Variants in CRTAM observed in about 807,000 individuals in gnomAD.
The protein encoded by CRTAM is cytotoxic and regulatory T-cell molecule.
A neutral mutation model predicts 50.0 loss-of-function variants in CRTAM; 44 were observed. That is an observed-to-expected ratio of 0.88 (90% CI 0.69 to 1.13). The LOEUF (loss-of-function observed/expected upper bound fraction) is 1.13. CRTAM is among the 50% of genes most tolerant of loss of function. CRTAM has a pLI of 0.00. For synonymous variants in CRTAM, 159 were observed against 169.3 expected, an observed-to-expected ratio of 0.94 and a Z score of 0.47; for missense variants, 448 against 457.5, an observed-to-expected ratio of 0.98 and a Z score of 0.19.
Position 122,871,284 on chromosome 11 carries a change from G to T in CRTAM, c.1067G>T (p.Arg356Leu). 6.2e-7 allele frequency: 1 copy of T among 1,612,748 alleles called. No homozygotes were observed. Among genetic ancestry groups the T allele is most frequent in the Non-Finnish European group, 8.5e-7 (1 of 1,179,394 alleles). ...EKNGQSSHPM[R>L]CMNYITKLYS... ...TTTCTTTCAGCTTCCCACCCTATGC[G>T]TTGCATGAACTACATCACAAAGTTG... Residue 356 changes from arginine to leucine, a missense_variant, in exon 10 of 10, where the codon CGT becomes CTT. Physicochemically the swap from Arg to Leu is moderately radical, Grantham distance 102. Coordinates refer to ENST00000227348, the MANE Select transcript of CRTAM (RefSeq NM_019604.4).
At chr11:122,850,962 C>T (rs988314818) in intron 2 of CRTAM, among the ~76,000 whole-genome samples, 2 of 152,200 alleles carry the variant, frequency 1.3e-5, no homozygotes, top group African/African-American at 4.8e-5. Context: ...AGCAGAGCCT[C>T]TTAAAGCATA....
At chr11:122,864,561 T>G in intron 6 of CRTAM, 75 bp from the exon 7 acceptor site, 1 of 1,016,126 alleles carries the variant, frequency 9.8e-7, no homozygotes, top group Non-Finnish European at 1.5e-6. Flanking sequence ...TGGGAAGACT[T>G]ACGTAACTAC....
intron 7 of CRTAM, among the ~76,000 whole-genome samples, chr11:122,865,840 A>G (rs1445580522): frequency 6.6e-6 from 1 of 152,212 alleles, no homozygotes; most frequent in East Asian, 1.9e-4. Context: ...ATCTATGTGT[A>G]TATGTATATG....
chr11:122,869,608 A>G (rs183545162), intron 9 of CRTAM, among the ~76,000 whole-genome samples: 119 of 152,326 alleles, frequency 7.8e-4, no homozygotes, highest in Non-Finnish European at 1.3e-3. Context: ...CCTTCCAACC[A>G]TATTATTTCC....
intron 1 of CRTAM, among the ~76,000 whole-genome samples, chr11:122,842,498 C>G (rs1044436278): frequency 6.6e-6 from 1 of 152,258 alleles, no homozygotes; most frequent in East Asian, 1.9e-4. Context: ...AGGCTGGTCT[C>G]GAACTCCTGA....
chr11:122,850,851 C>A (rs1178950942), intron 2 of CRTAM, among the ~76,000 whole-genome samples: 1 of 152,210 alleles, frequency 6.6e-6, no homozygotes, highest in Non-Finnish European at 1.5e-5. Flanking sequence ...TGACGTTAGG[C>A]AGGGTTTTAC....
At chr11:122,858,244 T>C (rs1373222385) in intron 5 of CRTAM, among the ~76,000 whole-genome samples, 2 of 151,962 alleles carry the variant, frequency 1.3e-5, no homozygotes, top group Non-Finnish European at 2.9e-5. Flanking sequence ...TTTCTTTTCT[T>C]GAGACGGTCT....
At chr11:122,864,056 A>G (rs1175834366) in intron 6 of CRTAM, among the ~76,000 whole-genome samples, 1 of 152,176 alleles carries the variant, frequency 6.6e-6, no homozygotes, top group Non-Finnish European at 1.5e-5. Context: ...ATCATAGTAC[A>G]TCCCACTTCT....
chr11:122,846,908 A>G (rs1431665742), intron 1 of CRTAM, among the ~76,000 whole-genome samples: 1 of 152,218 alleles, frequency 6.6e-6, no homozygotes, highest in Non-Finnish European at 1.5e-5. Flanking sequence ...TAGTCCTGTA[A>G]CACTGGGGAA....
rs776721382 is a variant in CRTAM at position 122,838,540 on chromosome 11, G to C, written c.-7G>C. 1.2e-6 allele frequency: 2 copies of C among 1,614,056 alleles called. No individual in the cohort carries two copies. Among genetic ancestry groups the C allele is most frequent in the South Asian group, 2.2e-5 (2 of 91,066 alleles). On this transcript the variant is annotated 5_prime_UTR_variant, in exon 1 of 10. Coordinates refer to ENST00000227348, the MANE Select transcript of CRTAM (RefSeq NM_019604.4). Reference sequence around the variant, plus strand: ...TTGACAAAGGTGCCACAGCAGCACAGCACAGTATGTGGTGGAGAGTTCTCA... The same window carrying C: ...TTGACAAAGGTGCCACAGCAGCACACCACAGTATGTGGTGGAGAGTTCTCA...
chr11:122,861,348 G>GTGTA (rs1327181127), intron 5 of CRTAM, among the ~76,000 whole-genome samples: 1 of 123,676 alleles, frequency 8.1e-6, no homozygotes, highest in Non-Finnish European at 1.6e-5. Flanking sequence ...TGACGTGTCA[G>GTGTA]TATATATATA....
chr11:122,850,068 A>C lies in CRTAM; in HGVS notation c.47A>C (p.Glu16Ala), dbSNP rs35411582. The change falls in exon 2 of 10, where the codon GAG becomes GCG. Residue 16 changes from glutamate to alanine, a missense_variant and splice_region_variant. Physicochemically the swap from Glu to Ala is moderately radical, Grantham distance 107. Coordinates refer to ENST00000227348, the MANE Select transcript of CRTAM (RefSeq NM_019604.4). ...LSLLAWFPLQEASLTNHTETI... is the reference protein window; with the variant it reads ...LSLLAWFPLQAASLTNHTETI... ...CATCCCCATTTCTCTTCCTCCACAG[A>C]GGCCTCTCTGACTAACCACACAGAA... The C allele has an allele frequency of 1.4e-3, 2,308 of 1,602,386 alleles. 32 individuals are homozygous for C. The African/African-American group carries it at 0.028, about 19-fold the overall frequency.
chr11:122,855,025 C>T (rs1861986887), intron 4 of CRTAM, among the ~76,000 whole-genome samples: 1 of 152,164 alleles, frequency 6.6e-6, no homozygotes, highest in African/African-American at 2.4e-5. Flanking sequence ...CTCACTGCAA[C>T]CTCTGCCTCC....
At chr11:122,853,157 T>TC (rs1861955869) in intron 3 of CRTAM, among the ~76,000 whole-genome samples, 2 of 151,418 alleles carry the variant, frequency 1.3e-5, no homozygotes, top group Non-Finnish European at 2.9e-5. Flanking sequence ...AACCTCCCCA[T>TC]CCCAGGTTCA....
Position 122,862,275 on chromosome 11 carries a change from A to C in CRTAM, c.653-189A>C, listed in dbSNP as rs528987509. On this transcript the variant is annotated intron_variant, in intron 5 of 9. Transcript: ENST00000227348. ...TGTGCTTTAAGCCAGGCAGGTGAGCAGATGGACACTCAGTGGGATACAGAT... is the reference window on the plus strand; with the variant it reads ...TGTGCTTTAAGCCAGGCAGGTGAGCCGATGGACACTCAGTGGGATACAGAT... The C allele has an allele frequency of 1.1e-4, 66 of 584,994 alleles. 1 individual carries two copies. Among genetic ancestry groups the C allele is most frequent in the East Asian group, 6.9e-4 (25 of 36,128 alleles). The allele number at this position is 584,994 out of a possible 1,614,324, so 36.2% of individuals were successfully genotyped here.
At chr11:122,851,483 C>A (rs371013536) in intron 2 of CRTAM, among the ~76,000 whole-genome samples, 10 of 152,266 alleles carry the variant, frequency 6.6e-5, no homozygotes, top group South Asian at 4.1e-4. Context: ...GGGACTCTCT[C>A]GGATTTCTGC....
intron 9 of CRTAM, among the ~76,000 whole-genome samples, chr11:122,868,507 T>G (rs1028569485): frequency 2.0e-5 from 3 of 152,010 alleles, no homozygotes; most frequent in Non-Finnish European, 2.9e-5. Context: ...ATTTTGTTCT[T>G]TCTGGGCCCC....
chr11:122,856,678 C>T (rs911339237), intron 5 of CRTAM, among the ~76,000 whole-genome samples: 1 of 152,206 alleles, frequency 6.6e-6, no homozygotes, highest in Non-Finnish European at 1.5e-5. Context: ...CAGACGAAAT[C>T]GCTGATGCTG....
Position 122,863,351 on chromosome 11 carries a change from A to AAGAAAGAAAGAAAG in CRTAM, c.733+808_733+809insGAAAGAAAGAAAGA, listed in dbSNP as rs1244147699. Among the ~76,000 whole-genome samples, 154 of 60,714 alleles carry AAGAAAGAAAGAAAG rather than the reference A, an allele frequency of 2.5e-3. 1 individual carries two copies. Among genetic ancestry groups the AAGAAAGAAAGAAAG allele is most frequent in the African/African-American group, 6.1e-3 (150 of 24,778 alleles). 39.8% of individuals were successfully genotyped at this position (60,714 alleles called of 152,430 possible). On this transcript the variant is annotated intron_variant, in intron 6 of 9. Coordinates refer to ENST00000227348, the MANE Select transcript of CRTAM (RefSeq NM_019604.4). ...AAAGAAAGAAAGAAAGAAAGAAAGA[A>AAGAAAGAAAGAAAG]AAAGAAAGAAAGAAAGAAAAAGAAA...
Sources: allele counts gnomAD v4.1 joint callset (sites outside exome capture counted in the v4.1 genomes callset), GRCh38; gene constraint gnomAD v4.1.1; transcripts MANE v1.5; gene names NCBI Gene and HGNC (gene_info 2026-07-23, HGNC 2026-07-21).